DACH1: variants seen among roughly 807,000 people sequenced by gnomAD.
DACH1 encodes dachshund homolog 1.
DACH1 carries 12 observed loss-of-function variants against 54.2 expected under a neutral mutation model. That is an observed-to-expected ratio of 0.22 (90% CI 0.14 to 0.36). The LOEUF is 0.36. Among genes scored for constraint, DACH1 ranks in the 10% least tolerant of loss-of-function variants. The pLI is 1.00. For synonymous variants in DACH1, 386 were observed against 366.2 expected, an observed-to-expected ratio of 1.05 and a Z score of -0.62; for missense variants, 805 against 929.8, an observed-to-expected ratio of 0.87 and a Z score of 1.75.
At chr13:71,711,399 G>T (rs1355423117) in intron 1 of DACH1, among the ~76,000 whole-genome samples, 2 of 152,226 alleles carry the variant, frequency 1.3e-5, no homozygotes, top group Middle Eastern at 3.4e-3. Context: ...ATCTTGAATA[G>T]TTGAGGTAAG....
chr13:71,792,504 C>A (rs1235094924), intron 1 of DACH1, among the ~76,000 whole-genome samples: 1 of 152,002 alleles, frequency 6.6e-6, no homozygotes, highest in African/African-American at 2.4e-5. Context: ...TGATAATAGA[C>A]AATAAATTCT....
At chr13:71,786,329 A>G (rs1886589877) in intron 1 of DACH1, among the ~76,000 whole-genome samples, 1 of 152,210 alleles carries the variant, frequency 6.6e-6, no homozygotes, top group Non-Finnish European at 1.5e-5. Flanking sequence ...AATTGTAAGT[A>G]GATGCTCTTA....
chr13:71,650,009 AC>A (rs1320131681), intron 2 of DACH1, among the ~76,000 whole-genome samples: 1 of 152,182 alleles, frequency 6.6e-6, no homozygotes, highest in Non-Finnish European at 1.5e-5. Flanking sequence ...AAGGCCAAGC[AC>A]TTTGACCTTT....
intron 2 of DACH1, among the ~76,000 whole-genome samples, chr13:71,650,093 TTATAA>T (rs761648601): frequency 6.6e-6 from 1 of 152,184 alleles, no homozygotes; most frequent in South Asian, 2.1e-4. Context: ...TGCTCACTCC[TTATAA>T]TATATTTACT....
chr13:71,713,532 G>C (rs1882828991), intron 1 of DACH1, among the ~76,000 whole-genome samples: 1 of 152,120 alleles, frequency 6.6e-6, no homozygotes, highest in South Asian at 2.1e-4. Context: ...TATAGATTTA[G>C]ATAATCTTAC....
At chr13:71,859,019 T>A (rs553198240) in intron 1 of DACH1, among the ~76,000 whole-genome samples, 1 of 151,846 alleles carries the variant, frequency 6.6e-6, no homozygotes, top group South Asian at 2.1e-4. Context: ...GCTTGTAGTT[T>A]ACAACACTTC....
intron 7 of DACH1, among the ~76,000 whole-genome samples, chr13:71,485,280 A>G (rs921656061): frequency 1.3e-5 from 2 of 151,634 alleles, no homozygotes; most frequent in Admixed American, 1.3e-4. Context: ...AAAAAATAAA[A>G]GCAATTCTAA....
Position 71,783,165 on chromosome 13 carries a change from T to A in DACH1, c.848+82757A>T, listed in dbSNP as rs560725665. Among the ~76,000 whole-genome samples the A allele has an allele frequency of 7.2e-5, 11 of 152,264 alleles. No individual in the cohort carries two copies. In the South Asian group the frequency reaches 2.3e-3, roughly 32 times the overall value. On this transcript the variant is annotated intron_variant, in intron 1 of 10. Coordinates refer to ENST00000613252, the MANE Select transcript of DACH1 (RefSeq NM_080759.6). ...TACAACACTATCACCAGAAAGATTA[T>A]GACATGTAAGGGATTTGGAGGTCTA...
intron 2 of DACH1, among the ~76,000 whole-genome samples, chr13:71,656,933 T>C (rs1879138255): frequency 7.1e-6 from 1 of 140,496 alleles, no homozygotes; most frequent in African/African-American, 2.6e-5. Context: ...TATATATATA[T>C]ATATATATAT....
At chr13:71,773,720 T>A (rs1310659435) in intron 1 of DACH1, among the ~76,000 whole-genome samples, 8 of 152,056 alleles carry the variant, frequency 5.3e-5, no homozygotes, top group Non-Finnish European at 1.2e-4. Flanking sequence ...CTTTCCAGGT[T>A]CAAAGTCTGT....
chr13:71,768,621 C>T (rs1257091188), intron 1 of DACH1, among the ~76,000 whole-genome samples: 1 of 151,828 alleles, frequency 6.6e-6, no homozygotes, highest in Non-Finnish European at 1.5e-5. Context: ...CATATTTTTT[C>T]TTCTCTAATT....
intron 3 of DACH1, among the ~76,000 whole-genome samples, chr13:71,605,315 T>C (rs1002928267): frequency 6.6e-6 from 1 of 151,836 alleles, no homozygotes; most frequent in Non-Finnish European, 1.5e-5. Context: ...GCTTGAACGA[T>C]ACAACTAATG....
chr13:71,860,305 A>G lies in DACH1; in HGVS notation c.848+5617T>C, dbSNP rs189610269. On this transcript the variant is annotated intron_variant, in intron 1 of 10. Transcript: ENST00000613252. Reference sequence around the variant, plus strand: ...AGCATTACCTCAGTAAGAAAATGGCACATGCTGACATATGCTAAGGTCATT... The same window carrying G: ...AGCATTACCTCAGTAAGAAAATGGCGCATGCTGACATATGCTAAGGTCATT... 6.4e-3 allele frequency among the ~76,000 whole-genome samples: 966 copies of G among 151,856 alleles called. 10 individuals carry two copies. Among genetic ancestry groups the G allele is most frequent in the African/African-American group, 0.022 (916 of 41,500 alleles).
rs370098983 is a variant in DACH1 at position 71,738,455 on chromosome 13, C to G, written c.849-56545G>C. Among the ~76,000 whole-genome samples, 15 of 152,046 alleles carry G rather than the reference C, an allele frequency of 9.9e-5. No individual in the cohort carries two copies. In the South Asian group the frequency reaches 3.1e-3, roughly 32 times the overall value. On this transcript the variant is annotated intron_variant, in intron 1 of 10. Coordinates refer to ENST00000613252, the MANE Select transcript of DACH1 (RefSeq NM_080759.6). ...AATTTAAAAGACAGAAAACTGTCTG[C>G]GTGAGGTGGCTCAAGCCTATAATCC...
chr13:71,848,420 C>A (rs1594297777), intron 1 of DACH1, among the ~76,000 whole-genome samples: 1 of 152,050 alleles, frequency 6.6e-6, no homozygotes, highest in East Asian at 1.9e-4. Context: ...ATTGGTATTT[C>A]TTTAGAAAGA....
rs149476554 is a variant in DACH1, at chr13:71,645,201, T to C, written c.965-14484A>G. Among the ~76,000 whole-genome samples the C allele has an allele frequency of 9.8e-3, 1,495 of 152,272 alleles. 23 individuals carry two copies. The highest frequency in any genetic ancestry group is 0.034 in the African/African-American group (1,407 of 41,568). On this transcript the variant is annotated intron_variant, in intron 2 of 10. Coordinates refer to ENST00000613252, the MANE Select transcript of DACH1 (RefSeq NM_080759.6). ...GGGGAAGCATTGTCGGAAGAGCAAT[T>C]GATAAACATGATTCTCCCCCCTCTT... is the stretch of plus-strand genomic sequence containing the variant.
At chr13:71,471,841 T>G (rs890517152) in intron 10 of DACH1, among the ~76,000 whole-genome samples, 1 of 152,152 alleles carries the variant, frequency 6.6e-6, no homozygotes, top group African/African-American at 2.4e-5. Flanking sequence ...AGATGACGAC[T>G]TAGCTGAAGA....
chr13:71,687,366 G>C (rs1246664482), intron 1 of DACH1, among the ~76,000 whole-genome samples: 1 of 151,896 alleles, frequency 6.6e-6, no homozygotes, highest in Non-Finnish European at 1.5e-5. Context: ...TAACATACAG[G>C]AATGCTTACT....
chr13:71,713,948 A>G (rs1023185358), intron 1 of DACH1, among the ~76,000 whole-genome samples: 4 of 152,086 alleles, frequency 2.6e-5, no homozygotes, highest in Non-Finnish European at 4.4e-5. Context: ...CAATATTAAG[A>G]AAAAATTAAT....
Sources: allele counts gnomAD v4.1 joint callset (sites outside exome capture counted in the v4.1 genomes callset), GRCh38; gene constraint gnomAD v4.1.1; transcripts MANE v1.5; gene names NCBI Gene and HGNC (gene_info 2026-07-23, HGNC 2026-07-21).